The following RBFOX1 variants were observed in gnomAD, a reference collection of about 807,000 sequenced individuals.
RBFOX1 encodes RNA binding protein fox-1 homolog 1.
Under a neutral mutation model 57.7 loss-of-function variants are expected in RBFOX1, and 8 were observed. That is an observed-to-expected ratio of 0.14 (90% CI 0.08 to 0.25). RBFOX1 has a LOEUF of 0.25. Among genes scored for constraint, RBFOX1 ranks in the 10% least tolerant of loss-of-function variants. The probability of loss-of-function intolerance (pLI) is 1.00; values close to 1 mark genes in which losing one functional copy is unlikely to be tolerated. For missense variants in RBFOX1, 611 were observed against 548.5 expected (o/e 1.11, Z -1.14); for synonymous variants, 326 against 222.4 (o/e 1.47, Z -4.15).
chr16:7,068,876 A>C (rs1463840507), intron 4 of RBFOX1, among the ~76,000 whole-genome samples: 2 of 152,226 alleles, frequency 1.3e-5, no homozygotes, highest in African/African-American at 4.8e-5. Context: ...GGCATGAGCC[A>C]CCGCGCCCGG....
At chr16:5,596,246 C>G (rs893928481) in intron 2 of RBFOX1, among the ~76,000 whole-genome samples, 3 of 152,172 alleles carry the variant, frequency 2.0e-5, no homozygotes, top group South Asian at 2.1e-4. Context: ...CCTAACTTGT[C>G]TATTTCCAGG....
chr16:7,068,643 A>G (rs149538411), intron 4 of RBFOX1, among the ~76,000 whole-genome samples: 2,358 of 152,248 alleles, frequency 0.015, 69 homozygotes, highest in African/African-American at 0.054. Context: ...CTGGAGTGCA[A>G]TGGTGCAATC....
intron 2 of RBFOX1, among the ~76,000 whole-genome samples, chr16:6,560,394 G>A (rs4283230): frequency 0.55 from 84,305 of 151,988 alleles, 25,812 homozygotes; most frequent in East Asian, 0.82. Context: ...GCCAGTGTGG[G>A]CCTTACTGTG....
chr16:6,089,848 C>T (rs2096145365), intron 1 of RBFOX1, among the ~76,000 whole-genome samples: 1 of 152,184 alleles, frequency 6.6e-6, no homozygotes, highest in Non-Finnish European at 1.5e-5. Flanking sequence ...TCATTGAATC[C>T]TCTTAAGAAC....
intron 2 of RBFOX1, among the ~76,000 whole-genome samples, chr16:6,525,695 T>C (rs1302963184): frequency 6.6e-6 from 1 of 151,930 alleles, no homozygotes; most frequent in Admixed American, 6.6e-5. Context: ...TGTTCACTGG[T>C]GGGAGGAACA....
At chr16:6,908,461 C>G (rs1459076557) in intron 3 of RBFOX1, among the ~76,000 whole-genome samples, 1 of 152,166 alleles carries the variant, frequency 6.6e-6, no homozygotes, top group African/African-American at 2.4e-5. Context: ...CTCTTCTAGA[C>G]TTTCTCCCCA....
intron 5 of RBFOX1, among the ~76,000 whole-genome samples, chr16:7,524,697 T>C (rs890331368): frequency 6.6e-6 from 1 of 152,230 alleles, no homozygotes; most frequent in Admixed American, 6.5e-5. Context: ...AAGAACTATT[T>C]AGAGAGCCAG....
chr16:6,814,163 C>T (rs540911809), intron 3 of RBFOX1, among the ~76,000 whole-genome samples: 106 of 149,060 alleles, frequency 7.1e-4, no homozygotes, highest in African/African-American at 2.4e-3. Context: ...CCAAACAAGC[C>T]AATATTCTGA....
intron 1 of RBFOX1, among the ~76,000 whole-genome samples, chr16:6,177,005 G>C (rs1432833367): frequency 3.3e-5 from 5 of 152,146 alleles, no homozygotes; most frequent in Non-Finnish European, 7.3e-5. Flanking sequence ...ATTCCAAGTG[G>C]AGATATGTCA....
intron 4 of RBFOX1, among the ~76,000 whole-genome samples, chr16:5,960,942 G>C (rs530181790): frequency 6.6e-6 from 1 of 152,284 alleles, no homozygotes; most frequent in Non-Finnish European, 1.5e-5. Flanking sequence ...TGTGGTCAAA[G>C]GCTCCCTCCC....
At chr16:6,304,930 A>AACCTGTT (rs1165929155) in intron 1 of RBFOX1, among the ~76,000 whole-genome samples, 2 of 149,144 alleles carry the variant, frequency 1.3e-5, no homozygotes, top group Non-Finnish European at 3.0e-5. Flanking sequence ...TTGCTTTGTA[A>AACCTGTT]ACCTGTTGCA....
Position 6,450,781 on chromosome 16 carries a change from A to T in RBFOX1, c.-64+133724A>T, listed in dbSNP as rs1245360482. 2.7e-4 allele frequency among the ~76,000 whole-genome samples: 13 copies of T among 48,964 alleles called. 1 individual carries two copies. Among genetic ancestry groups the T allele is most frequent in the African/African-American group, 1.3e-3 (13 of 10,050 alleles). The allele number at this position is 48,964 out of a possible 152,430, so 32.1% of individuals were successfully genotyped here. On this transcript the variant is annotated intron_variant, in intron 2 of 15. Coordinates refer to ENST00000550418, the MANE Select transcript of RBFOX1 (RefSeq NM_018723.4). ...TATATATATGTGTATATATATATAT[A>T]TATATATACATATATATATGTATAT...
At chr16:7,585,425 G>A (rs1186935505) in intron 6 of RBFOX1, among the ~76,000 whole-genome samples, 1 of 152,170 alleles carries the variant, frequency 6.6e-6, no homozygotes, top group East Asian at 1.9e-4. Context: ...TTTCCATTGT[G>A]CATGCAAGCA....
chr16:6,553,560 C>T (rs1158043434), intron 2 of RBFOX1, among the ~76,000 whole-genome samples: 1 of 152,186 alleles, frequency 6.6e-6, no homozygotes, highest in Non-Finnish European at 1.5e-5. Flanking sequence ...CCAAGTCTAT[C>T]TAATCACATC....
intron 1 of RBFOX1, among the ~76,000 whole-genome samples, chr16:5,341,022 C>T (rs974685862): frequency 6.6e-6 from 1 of 152,080 alleles, no homozygotes; most frequent in African/African-American, 2.4e-5. Flanking sequence ...AACCCAGATA[C>T]CTGTGGATGC....
chr16:7,328,395 G>C (rs1219554203), intron 4 of RBFOX1, among the ~76,000 whole-genome samples: 1 of 147,244 alleles, frequency 6.8e-6, no homozygotes, highest in Non-Finnish European at 1.5e-5. Flanking sequence ...CAGAAGACTA[G>C]CTTGAATTCG....
chr16:6,701,893 A>T (rs2061909664), intron 3 of RBFOX1, among the ~76,000 whole-genome samples: 2 of 152,126 alleles, frequency 1.3e-5, no homozygotes. Context: ...ATGCGATCTA[A>T]ACACTGAGTA....
At chr16:5,535,933 T>C (rs1276827223) in intron 2 of RBFOX1, among the ~76,000 whole-genome samples, 2 of 152,202 alleles carry the variant, frequency 1.3e-5, no homozygotes, top group Non-Finnish European at 2.9e-5. Context: ...AGAGCCTTTT[T>C]GTTGAATGGG....
chr16:6,395,222 A>G (rs1257492344), intron 2 of RBFOX1, among the ~76,000 whole-genome samples: 1 of 152,234 alleles, frequency 6.6e-6, no homozygotes, highest in African/African-American at 2.4e-5. Flanking sequence ...TTTGTCAAAG[A>G]AAATAAAAAG....
Sources: allele counts gnomAD v4.1 joint callset (sites outside exome capture counted in the v4.1 genomes callset), GRCh38; gene constraint gnomAD v4.1.1; transcripts MANE v1.5; gene names NCBI Gene and HGNC (gene_info 2026-07-23, HGNC 2026-07-21).